MXRA7: variants seen among roughly 807,000 people sequenced by gnomAD.
The protein encoded by MXRA7 is matrix remodeling associated 7, also known as matrix-remodeling-associated protein 7.
A neutral mutation model predicts 17.4 loss-of-function variants in MXRA7; 18 were observed. The observed-to-expected ratio is 1.03, with a 90% CI of 0.71 to 1.53. MXRA7 has a LOEUF of 1.53. MXRA7 is among the 40% of genes most tolerant of loss of function. The pLI is 0.00. For missense variants in MXRA7, 141 were observed against 209.3 expected (o/e 0.67, Z 2.01); for synonymous variants, 70 against 101.7 (o/e 0.69, Z 1.87).
intron 1 of MXRA7, among the ~76,000 whole-genome samples, chr17:76,707,291 C>CTTTTTTTTTTTTTTTTTTTTTTCTTTTTT (rs2076672883): frequency 1.0e-5 from 1 of 96,092 alleles, no homozygotes; most frequent in African/African-American, 4.8e-5. Context: ...AGTCCCTACT[C>CTTTTTTTTTTTTTTTTTTTTTTCTTTTTT]TTTTTTTTTT....
rs2076715969 is a variant in MXRA7 at position 76,710,947 on chromosome 17, C to G, written c.-1G>C. On this transcript the variant is annotated 5_prime_UTR_variant, in exon 1 of 4. Coordinates refer to ENST00000449428, the MANE Select transcript of MXRA7 (RefSeq NM_198530.4). Reference sequence around the variant, plus strand: ...CCAGTAGCTCGGCCGGCGCCTCCATCGCGCCGCGGCCGCCGAGTGCGGGCC... The same window carrying G: ...CCAGTAGCTCGGCCGGCGCCTCCATGGCGCCGCGGCCGCCGAGTGCGGGCC... 1.0e-5 allele frequency: 10 copies of G among 993,266 alleles called. No homozygotes were observed. Among genetic ancestry groups the G allele is most frequent in the Non-Finnish European group, 1.2e-5 (10 of 838,240 alleles). 61.5% of individuals were successfully genotyped at this position (993,266 alleles called of 1,614,324 possible).
Position 76,683,663 on chromosome 17 carries a change from C to T in MXRA7, c.500+1409G>A, listed in dbSNP as rs1242320470. The stretch of plus-strand genomic sequence containing the variant: ...CCCTCCAGGAACCTCTGCCCCCAGA[C>T]GGGGCCTCTTCTGCCAGAGATTCCT... On this transcript the variant is annotated intron_variant, in intron 3 of 3. Transcript: ENST00000449428. 5.3e-5 allele frequency among the ~76,000 whole-genome samples: 8 copies of T among 152,310 alleles called. No individual in the cohort carries two copies. In the East Asian group the frequency reaches 1.2e-3, roughly 22 times the overall value.
intron 1 of MXRA7, chr17:76,688,647 T>C (rs2076439840): frequency 1.6e-6 from 2 of 1,239,838 alleles, no homozygotes; most frequent in Non-Finnish European, 2.0e-6. Context: ...TCAGTGTCCA[T>C]GTTCCCAAAA....
Position 76,707,291 on chromosome 17 carries a change from C to CTTTTTTTT in MXRA7, c.342+3306_342+3313dup, listed in dbSNP as rs56067261. Among the ~76,000 whole-genome samples the CTTTTTTTT allele has an allele frequency of 4.2e-3, 406 of 96,090 alleles. 32 individuals are homozygous for CTTTTTTTT. Among genetic ancestry groups the CTTTTTTTT allele is most frequent in the East Asian group, 0.014 (36 of 2,656 alleles). 63.0% of individuals were successfully genotyped at this position (96,090 alleles called of 152,430 possible). A position where few individuals can be genotyped will look rare whatever the true frequency, so the allele number is the denominator to read the frequency against. On this transcript the variant is annotated intron_variant, in intron 1 of 3. Transcript: ENST00000449428. ...CACTGCCTTGCAGGAAGTCCCTACT[C>CTTTTTTTT]TTTTTTTTTTTTTTTTTTTTTTTTT...
At chr17:76,674,858 G>A (rs1187772518), downstream of MXRA7, 1 of 152,234 alleles carries the variant, frequency 6.6e-6, no homozygotes, top group African/African-American at 2.4e-5. Flanking sequence ...CTTACGCCTA[G>A]AGACGCAAGC....
chr17:76,688,796 G>T, intron 1 of MXRA7: 1 of 696,640 alleles, frequency 1.4e-6, no homozygotes, highest in Non-Finnish European at 2.0e-6. Flanking sequence ...TGAGAGCGAC[G>T]TGCCGTGCCC....
chr17:76,688,085 C>T, intron 2 of MXRA7, 28 bp downstream of exon 2: 1 of 1,611,338 alleles, frequency 6.2e-7, no homozygotes, highest in Non-Finnish European at 8.5e-7. Flanking sequence ...CTGTCAGGCC[C>T]CCTCATGAGC....
chr17:76,685,232 C>A, intron 2 of MXRA7, 67 bp from the exon 3 acceptor site: 1 of 1,204,900 alleles, frequency 8.3e-7, no homozygotes, highest in South Asian at 1.2e-5. Flanking sequence ...CCCCGGCCCC[C>A]TTTCCCTAGG....
chr17:76,699,013 G>A (rs1048350265), intron 1 of MXRA7, among the ~76,000 whole-genome samples: 23 of 150,402 alleles, frequency 1.5e-4, no homozygotes, highest in African/African-American at 4.9e-4. Context: ...GAGTCACCGC[G>A]CCCAGCCCTG....
At chr17:76,677,739 C>T (rs756912960), downstream of MXRA7, 26 of 1,495,206 alleles carry the variant, frequency 1.7e-5, 2 homozygotes, top group Middle Eastern at 2.7e-3. Context: ...AGAAGGTGCT[C>T]CTAGCCCACT....
At chr17:76,691,196 AG>A (rs985859197) in intron 1 of MXRA7, among the ~76,000 whole-genome samples, 33 of 152,306 alleles carry the variant, frequency 2.2e-4, no homozygotes, top group African/African-American at 6.0e-4. Flanking sequence ...ACATCCCGAT[AG>A]GGTTTGGAGA....
At chr17:76,675,498 G>C (rs1177316078), downstream of MXRA7, 2 of 142,882 alleles carry the variant, frequency 1.4e-5, no homozygotes, top group African/African-American at 5.2e-5. Context: ...GAGTTCAAGC[G>C]ATTCTCCTGC....
intron 1 of MXRA7, among the ~76,000 whole-genome samples, chr17:76,703,084 C>T (rs1366389018): frequency 6.6e-6 from 1 of 151,552 alleles, no homozygotes. Context: ...TGCACTGCAG[C>T]TTGGGTGACA....
chr17:76,696,637 T>C (rs758537), intron 1 of MXRA7, among the ~76,000 whole-genome samples: 150,953 of 152,290 alleles, frequency 0.99, 74,827 homozygotes, highest in Middle Eastern at 1. Flanking sequence ...GTGGGAGGAT[T>C]GCAATGGGGC....
intron 2 of MXRA7, among the ~76,000 whole-genome samples, chr17:76,686,093 C>A (rs1394249755): frequency 2.0e-5 from 3 of 152,182 alleles, no homozygotes; most frequent in African/African-American, 7.2e-5. Context: ...TAGCTTGCAG[C>A]CTTCATGCTA....
At chr17:76,682,877 G>A (rs1426491061) in intron 3 of MXRA7, among the ~76,000 whole-genome samples, 3 of 152,208 alleles carry the variant, frequency 2.0e-5, no homozygotes, top group East Asian at 1.9e-4. Flanking sequence ...GCAGCACCTC[G>A]GGCACAGTCT....
rs571242182 is a variant in MXRA7, at chr17:76,694,430, T to C, written c.343-6254A>G. ...GCTGAAGTCAAGGGTTGGATAGCCATGGAATGTTTTTTTGAGTGGTTATCA... is the reference window on the plus strand; with the variant it reads ...GCTGAAGTCAAGGGTTGGATAGCCACGGAATGTTTTTTTGAGTGGTTATCA... On this transcript the variant is annotated intron_variant, in intron 1 of 3. Transcript: ENST00000449428. Among the ~76,000 whole-genome samples the C allele has an allele frequency of 1.2e-3, 177 of 152,134 alleles. 1 individual carries two copies. The highest frequency in any genetic ancestry group is 2.2e-3 in the Non-Finnish European group (148 of 68,016).
chr17:76,705,872 A>G (rs2076649065), intron 1 of MXRA7, among the ~76,000 whole-genome samples: 1 of 152,250 alleles, frequency 6.6e-6, no homozygotes. Context: ...TAAGCTGCTT[A>G]AAGACAAGGA....
At chr17:76,697,090 C>T (rs1294641187) in intron 1 of MXRA7, among the ~76,000 whole-genome samples, 3 of 152,174 alleles carry the variant, frequency 2.0e-5, no homozygotes, top group Non-Finnish European at 4.4e-5. Flanking sequence ...AGCCTTGGCC[C>T]CAACTACCTC....
Sources: gnomAD v4.1 joint callset for allele counts (sites outside exome capture counted in the v4.1 genomes callset) on GRCh38, gnomAD v4.1.1 for gene constraint, MANE v1.5 for transcripts, NCBI Gene and HGNC (gene_info 2026-07-23, HGNC 2026-07-21) for gene names.